Variants in GPHN observed in about 807,000 individuals in gnomAD.
GPHN encodes gephyrin.
A neutral mutation model predicts 95.5 loss-of-function variants in GPHN; 17 were observed. The observed-to-expected ratio is 0.18, with a 90% CI of 0.12 to 0.27. The LOEUF (loss-of-function observed/expected upper bound fraction) is 0.27, where lower values mean the gene tolerates loss of function less well. Among genes scored for constraint, GPHN ranks in the 10% least tolerant of loss-of-function variants. The probability of loss-of-function intolerance (pLI) is 1.00; values close to 1 mark genes in which losing one functional copy is unlikely to be tolerated. For missense variants in GPHN, 660 were observed against 978.1 expected (o/e 0.67, Z 4.34); for synonymous variants, 320 against 322.5 (o/e 0.99, Z 0.08).
intron 9 of GPHN, among the ~76,000 whole-genome samples, chr14:66,979,681 C>A (rs570363490): frequency 6.6e-6 from 1 of 152,186 alleles, no homozygotes; most frequent in Non-Finnish European, 1.5e-5. Context: ...TGTTCACTGG[C>A]GTACCACTTT....
chr14:67,261,230 A>T, the GPHN span, among the ~76,000 whole-genome samples: 1 of 152,330 alleles, frequency 6.6e-6, no homozygotes, highest in East Asian at 1.9e-4. Flanking sequence ...CGGAAAGTTA[A>T]TCTGGCAATA....
chr14:66,632,923 G>C (rs1595339271), intron 1 of GPHN, among the ~76,000 whole-genome samples: 1 of 152,278 alleles, frequency 6.6e-6, no homozygotes, highest in East Asian at 1.9e-4. Flanking sequence ...TCACTTAGTG[G>C]AACCATCCAT....
chr14:66,944,934 G>A lies in GPHN; in HGVS notation c.829-20257G>A, dbSNP rs377093254. Among the ~76,000 whole-genome samples the A allele has an allele frequency of 3.4e-3, 525 of 152,314 alleles. 1 individual carries two copies. Among genetic ancestry groups the A allele is most frequent in the African/African-American group, 0.012 (486 of 41,564 alleles). On this transcript the variant is annotated intron_variant, in intron 8 of 22. Coordinates refer to ENST00000478722, the MANE Select transcript of GPHN (RefSeq NM_020806.5). ...GCTGCCATTCTGTGGTCCATCTTGC[G>A]CATGCCTGCAGCTGTTGGGATGAGG... is the stretch of plus-strand genomic sequence containing the variant.
the GPHN span, among the ~76,000 whole-genome samples, chr14:67,601,447 C>A: frequency 6.6e-6 from 1 of 152,286 alleles, no homozygotes; most frequent in Non-Finnish European, 1.5e-5. Context: ...CAAATGACTG[C>A]TTGGACCGTG....
At chr14:67,423,695 C>G in the GPHN span, among the ~76,000 whole-genome samples, 1 of 151,896 alleles carries the variant, frequency 6.6e-6, no homozygotes, top group African/African-American at 2.4e-5. Flanking sequence ...GAGGTTTATG[C>G]CAACACAGCT....
chr14:67,735,349 G>C, the GPHN span: 1 of 758,030 alleles, frequency 1.3e-6, no homozygotes, highest in African/African-American at 1.7e-5. Context: ...AGTCTGCTCA[G>C]CCTGGGCAAG....
At chr14:66,679,316 T>A (rs567175976) in intron 1 of GPHN, among the ~76,000 whole-genome samples, 1 of 152,362 alleles carries the variant, frequency 6.6e-6, no homozygotes, top group African/African-American at 2.4e-5. Flanking sequence ...CTTTAAGTTT[T>A]CTTGTTTTTC....
At chr14:67,029,651 T>C (rs1292646618) in intron 10 of GPHN, among the ~76,000 whole-genome samples, 2 of 152,226 alleles carry the variant, frequency 1.3e-5, no homozygotes, top group Non-Finnish European at 2.9e-5. Context: ...CATTATTCTT[T>C]AGCGTAAAGG....
the GPHN span, among the ~76,000 whole-genome samples, chr14:67,520,843 C>T: frequency 3.3e-5 from 5 of 152,230 alleles, no homozygotes; most frequent in African/African-American, 1.2e-4. Context: ...GAGCACAATT[C>T]CTGGATTGTG....
the GPHN span, among the ~76,000 whole-genome samples, chr14:67,619,155 C>T: frequency 6.6e-6 from 1 of 152,156 alleles, no homozygotes; most frequent in African/African-American, 2.4e-5. Context: ...TCTTGGAATG[C>T]TGAGATTATT....
intron 9 of GPHN, among the ~76,000 whole-genome samples, chr14:66,989,085 A>G (rs1280293017): frequency 6.6e-6 from 1 of 152,074 alleles, no homozygotes; most frequent in Non-Finnish European, 1.5e-5. Flanking sequence ...ATTTTTATTA[A>G]TAAGTTGTTA....
chr14:67,301,557 A>G, the GPHN span: 8 of 745,820 alleles, frequency 1.1e-5, no homozygotes, highest in South Asian at 2.6e-5. Context: ...AGAGATGTCA[A>G]ACATTCTCTA....
the GPHN span, among the ~76,000 whole-genome samples, chr14:67,525,228 A>G: frequency 2.6e-5 from 4 of 152,226 alleles, no homozygotes; most frequent in African/African-American, 4.8e-5. Flanking sequence ...ATTTATATAC[A>G]TAAATATACA....
the GPHN span, among the ~76,000 whole-genome samples, chr14:67,583,581 TA>T: frequency 6.6e-6 from 1 of 152,238 alleles, no homozygotes; most frequent in Non-Finnish European, 1.5e-5. Context: ...CTAGTGTCTA[TA>T]AAACTTGAGA....
At chr14:67,114,079 A>G (rs1240361788) in intron 16 of GPHN, among the ~76,000 whole-genome samples, 1 of 152,176 alleles carries the variant, frequency 6.6e-6, no homozygotes, top group Non-Finnish European at 1.5e-5. Flanking sequence ...TTATGACATT[A>G]TAGTCCTTTT....
At chr14:67,462,490 C>T in the GPHN span, among the ~76,000 whole-genome samples, 67 of 152,346 alleles carry the variant, frequency 4.4e-4, 1 homozygote, top group South Asian at 0.013. Flanking sequence ...GGCCTACAGC[C>T]ATGAGCCACC....
intron 1 of GPHN, among the ~76,000 whole-genome samples, chr14:66,545,089 C>A (rs2059493453): frequency 6.6e-6 from 1 of 152,212 alleles, no homozygotes; most frequent in Non-Finnish European, 1.5e-5. Context: ...CAATGAGCTG[C>A]CGGGCACACC....
chr14:66,812,836 A>G (rs2060815153), intron 3 of GPHN, among the ~76,000 whole-genome samples: 2 of 152,232 alleles, frequency 1.3e-5, no homozygotes, highest in South Asian at 4.1e-4. Flanking sequence ...GTTGGAACAT[A>G]TTAATGTATC....
At chr14:66,916,343 C>G (rs1160670523) in intron 6 of GPHN, among the ~76,000 whole-genome samples, 1 of 152,146 alleles carries the variant, frequency 6.6e-6, no homozygotes, top group Admixed American at 6.5e-5. Context: ...TCCAGGAATA[C>G]TACCAAACAC....
Sources: allele counts gnomAD v4.1 joint callset (sites outside exome capture counted in the v4.1 genomes callset), GRCh38; gene constraint gnomAD v4.1.1; transcripts MANE v1.5; gene names NCBI Gene and HGNC (gene_info 2026-07-23, HGNC 2026-07-21).